PI4KA: variants seen among roughly 807,000 people sequenced by gnomAD.
PI4KA encodes the protein phosphatidylinositol 4-kinase alpha.
A neutral mutation model predicts 271.4 loss-of-function variants in PI4KA; 122 were observed. The ratio of observed to expected loss-of-function variants is 0.45; its 90% CI spans 0.39 to 0.52. The LOEUF (loss-of-function observed/expected upper bound fraction) is 0.52. PI4KA is among the 20% of genes least tolerant of loss of function. The probability of loss-of-function intolerance (pLI) is 0.00; values close to 1 mark genes in which losing one functional copy is unlikely to be tolerated. For synonymous variants in PI4KA, 1,041 were observed against 1,078.8 expected (o/e 0.96, Z 0.69); for missense variants, 1,969 against 2,769.1 (o/e 0.71, Z 6.48).
At chr22:20,716,294 C>T (rs1486801008) in intron 45 of PI4KA, among the ~76,000 whole-genome samples, 1 of 152,202 alleles carries the variant, frequency 6.6e-6, no homozygotes, top group Admixed American at 6.5e-5. Flanking sequence ...TCAGGTGATC[C>T]ACCTGCCTTG....
intron 17 of PI4KA, among the ~76,000 whole-genome samples, chr22:20,798,254 G>A (rs1003701970): frequency 1.3e-5 from 2 of 152,096 alleles, no homozygotes; most frequent in African/African-American, 2.4e-5. Flanking sequence ...AGGATAGGAC[G>A]CTCCACAACC....
chr22:20,744,594 T>C, intron 30 of PI4KA, 34 bp downstream of exon 30: 1 of 1,530,552 alleles, frequency 6.5e-7, no homozygotes, highest in South Asian at 1.1e-5. Context: ...GAGGACACGT[T>C]AAAGGCCCTA....
At chr22:20,720,138 T>C (rs1050227449) in intron 43 of PI4KA, among the ~76,000 whole-genome samples, 2 of 151,280 alleles carry the variant, frequency 1.3e-5, no homozygotes, top group African/African-American at 4.9e-5. Flanking sequence ...AAGATGTGCA[T>C]AACTCACTGG....
intron 19 of PI4KA, among the ~76,000 whole-genome samples, chr22:20,790,221 G>C (rs535269022): frequency 7.2e-5 from 11 of 152,234 alleles, no homozygotes; most frequent in Non-Finnish European, 1.5e-4. Context: ...AAGTCACTGA[G>C]AACAGCTGCA....
rs1371601395 is a variant in PI4KA, at chr22:20,723,628, C to T, written c.4996-2210G>A. ...GGTGGATCACCTGAGGTTAGGAGTTCGAGACCAGCCTGGCAAACATGGTGA... is the reference window on the plus strand; with the variant it reads ...GGTGGATCACCTGAGGTTAGGAGTTTGAGACCAGCCTGGCAAACATGGTGA... On this transcript the variant is annotated intron_variant, in intron 42 of 54. Transcript: ENST00000255882. 5.3e-5 allele frequency among the ~76,000 whole-genome samples: 8 copies of T among 151,362 alleles called. No homozygotes were observed. The South Asian group carries it at 6.3e-4, about 12-fold the overall frequency.
intron 47 of PI4KA, among the ~76,000 whole-genome samples, chr22:20,713,823 G>A (rs1925646279): frequency 6.6e-6 from 1 of 152,246 alleles, no homozygotes; most frequent in Admixed American, 6.5e-5. Flanking sequence ...CACACCGTCT[G>A]TACTGGGTTG....
At chr22:20,801,700 G>A (rs976483959) in intron 14 of PI4KA, among the ~76,000 whole-genome samples, 32 of 151,652 alleles carry the variant, frequency 2.1e-4, no homozygotes, top group Admixed American at 1.7e-3. Context: ...CCTGGCCAAC[G>A]TGGTGCAACC....
At position 20,751,751 on chromosome 22, in the gene PI4KA, G is replaced by A; in HGVS notation, c.2992C>T (p.Pro998Ser). 1 of 1,613,940 alleles carries A rather than the reference G, an allele frequency of 6.2e-7. No homozygotes were observed. Among genetic ancestry groups the A allele is most frequent in the Non-Finnish European group, 8.5e-7 (1 of 1,179,858 alleles). Residue 998 changes from proline (P) to serine (S), a missense_variant, in exon 26 of 55, where the codon CCC (proline) becomes TCC (serine). Pro to Ser is a moderately conservative substitution (Grantham distance 74). Transcript: ENST00000255882. The part of the protein sequence containing the change: ...KYLSGLVDKF[P>S]HLLWSGTVLK... ...ACAGTCCCGCTCCAGAGCAAGTGGG[G>A]AAACCTGCACCAAGAGCCAGCTCTC...
intron 19 of PI4KA, chr22:20,785,874 A>C: frequency 3.9e-6 from 5 of 1,278,686 alleles, no homozygotes; most frequent in African/African-American, 1.5e-5. Context: ...CAGTCCCGGA[A>C]TATAAATTTT....
chr22:20,828,264 T>C (rs1601583347), intron 3 of PI4KA, among the ~76,000 whole-genome samples: 1 of 152,160 alleles, frequency 6.6e-6, no homozygotes, highest in East Asian at 1.9e-4. Context: ...GCAGAGACTA[T>C]AGGGTTTTCT....
Position 20,708,391 on chromosome 22 carries a change from G to A in PI4KA, c.6258-293C>T, listed in dbSNP as rs9624580. Among the ~76,000 whole-genome samples the A allele has an allele frequency of 0.045, 6,881 of 151,498 alleles. 490 individuals are homozygous for A. The highest frequency in any genetic ancestry group is 0.16 in the African/African-American group (6,432 of 41,118). On this transcript the variant is annotated intron_variant, in intron 54 of 54. Transcript: ENST00000255882. ...TCGTCCTGGCCAGATGCCTCCAAGG[G>A]GTCTGTACGCTCTCCTCGCACCTCT...
intron 1 of PI4KA, among the ~76,000 whole-genome samples, chr22:20,853,278 C>T (rs165641): frequency 0.49 from 74,031 of 151,916 alleles, 18,551 homozygotes; most frequent in African/African-American, 0.59. Context: ...GGATCGAGGG[C>T]CCACTGGTTT....
At chr22:20,737,387 A>G (rs958579722) in intron 32 of PI4KA, among the ~76,000 whole-genome samples, 1 of 152,112 alleles carries the variant, frequency 6.6e-6, no homozygotes, top group African/African-American at 2.4e-5. Context: ...GGGGCCTGCT[A>G]GTGATATCTG....
chr22:20,847,258 C>T (rs1926386920), intron 1 of PI4KA, among the ~76,000 whole-genome samples: 1 of 151,894 alleles, frequency 6.6e-6, no homozygotes, highest in African/African-American at 2.4e-5. Flanking sequence ...CCTGCACATC[C>T]TGCACATGAA....
chr22:20,784,610 C>T (rs1569029824), intron 19 of PI4KA, among the ~76,000 whole-genome samples: 2 of 152,132 alleles, frequency 1.3e-5, no homozygotes, highest in South Asian at 2.1e-4. Context: ...CGATGCTGAG[C>T]GCCCCTCCCA....
At chr22:20,837,900 CCT>C (rs1375937503) in intron 2 of PI4KA, among the ~76,000 whole-genome samples, 12 of 152,172 alleles carry the variant, frequency 7.9e-5, no homozygotes, top group African/African-American at 2.6e-4. Context: ...AGGCGGATTA[CCT>C]GAGGTCAGGA....
Position 20,733,098 on chromosome 22 carries a change from G to A in PI4KA, c.4161C>T (p.Ser1387=). 6.2e-7 allele frequency: 1 copy of A among 1,611,972 alleles called. No homozygotes were observed. The highest frequency in any genetic ancestry group is 8.5e-7 in the Non-Finnish European group (1 of 1,179,806). The change falls in exon 36 of 55, where the codon AGC becomes AGT. Residue 1387 remains serine (S), a splice_region_variant and synonymous_variant. Transcript: ENST00000255882. ...CTTGAGTAGGGAACTTTGGGGGACA[G>A]CTTCAAACAACCATAAGAGGACAAG... is the stretch of plus-strand genomic sequence containing the variant. ...KIYSTAFDYF[S]CPPKFPTQGE... is the part of the protein sequence containing the mutation.
At chr22:20,801,890 A>G in intron 14 of PI4KA, 83 bp downstream of exon 14, 1 of 1,460,730 alleles carries the variant, frequency 6.8e-7, no homozygotes, top group Non-Finnish European at 9.5e-7. Context: ...AATCTCAAAA[A>G]AGAAGTATAA....
chr22:20,812,701 C>T (rs1921221835), intron 8 of PI4KA, among the ~76,000 whole-genome samples: 1 of 152,110 alleles, frequency 6.6e-6, no homozygotes. Flanking sequence ...TTACAGGGAT[C>T]CACTACCATG....
Sources: allele counts gnomAD v4.1 joint callset (sites outside exome capture counted in the v4.1 genomes callset), GRCh38; gene constraint gnomAD v4.1.1; transcripts MANE v1.5; gene names NCBI Gene and HGNC (gene_info 2026-07-23, HGNC 2026-07-21).